LARGE1: variants seen among roughly 807,000 people sequenced by gnomAD.
LARGE1 encodes LARGE xylosyl- and glucuronyltransferase 1.
Under a neutral mutation model 87.6 loss-of-function variants are expected in LARGE1, and 43 were observed. The observed-to-expected ratio is 0.49, with a 90% CI of 0.38 to 0.63. The LOEUF is 0.63. Ranked by LOEUF, LARGE1 falls within the 30% of genes least tolerant of loss-of-function variation. The probability of loss-of-function intolerance (pLI) is 0.00; values close to 1 mark genes in which losing one functional copy is unlikely to be tolerated. For synonymous variants in LARGE1, 434 were observed against 394.6 expected (o/e 1.10, Z -1.18); for missense variants, 802 against 1,000.2 (o/e 0.80, Z 2.67).
intron 11 of LARGE1, among the ~76,000 whole-genome samples, chr22:33,266,431 T>G (rs1927944259): frequency 6.6e-6 from 1 of 151,228 alleles, no homozygotes; most frequent in Admixed American, 6.6e-5. Context: ...ACCATGTTGG[T>G]CAGGATGGTC....
intron 2 of LARGE1, among the ~76,000 whole-genome samples, chr22:33,690,185 G>C (rs918069758): frequency 3.3e-5 from 5 of 152,104 alleles, no homozygotes; most frequent in Non-Finnish European, 7.4e-5. Flanking sequence ...GACAGGAAGA[G>C]GGAATACAGA....
In LARGE1 at chr22:33,871,625, C is replaced by T. The variant is rs2064284688; in HGVS notation, c.-83+48370G>A. On this transcript the variant is annotated intron_variant, in intron 1 of 14. Coordinates refer to ENST00000397394, the MANE Select transcript of LARGE1 (RefSeq NM_133642.5). ...TCAAGCTTCTTATTTTAAGGCTAAT[C>T]TAAACACCACTACTACCAACCTCCT... Among the ~76,000 whole-genome samples the T allele has an allele frequency of 2.6e-5, 4 of 152,092 alleles. No homozygotes were observed. In the South Asian group the frequency reaches 8.3e-4, roughly 32 times the overall value.
chr22:33,155,002 T>C, the LARGE1 span, among the ~76,000 whole-genome samples: 75 of 152,334 alleles, frequency 4.9e-4, no homozygotes, highest in Non-Finnish European at 3.8e-4. Flanking sequence ...CCATGTGAGA[T>C]GTGCCTTTCA....
downstream of LARGE1, among the ~76,000 whole-genome samples, chr22:33,272,477 C>CACCACTGA (rs1928347770): frequency 6.6e-6 from 1 of 151,648 alleles, no homozygotes; most frequent in South Asian, 2.1e-4. Context: ...TGGCCTGGCA[C>CACCACTGA]ACCACTGAAC....
At chr22:33,469,794 C>T (rs1314065100) in intron 6 of LARGE1, among the ~76,000 whole-genome samples, 2 of 148,984 alleles carry the variant, frequency 1.3e-5, no homozygotes, top group Non-Finnish European at 3.0e-5. Flanking sequence ...CACCACTGCA[C>T]TCCAGCCTGG....
chr22:33,506,874 C>G (rs1367352095), intron 6 of LARGE1, among the ~76,000 whole-genome samples: 1 of 152,190 alleles, frequency 6.6e-6, no homozygotes, highest in African/African-American at 2.4e-5. Flanking sequence ...GTACTCCAGC[C>G]TGGGCGACAG....
chr22:33,493,471 ATTTTT>A (rs1219924488), intron 6 of LARGE1, among the ~76,000 whole-genome samples: 1 of 151,966 alleles, frequency 6.6e-6, no homozygotes, highest in Non-Finnish European at 1.5e-5. Flanking sequence ...TGAGCATGGA[ATTTTT>A]TAATGTGTCT....
At chr22:33,708,639 C>T (rs773333058) in intron 2 of LARGE1, among the ~76,000 whole-genome samples, 4 of 152,126 alleles carry the variant, frequency 2.6e-5, no homozygotes, top group Non-Finnish European at 5.9e-5. Flanking sequence ...CTCGCTCTGT[C>T]GCCCAGGCTG....
At chr22:33,739,222 G>A (rs1480761986) in intron 2 of LARGE1, among the ~76,000 whole-genome samples, 1 of 151,374 alleles carries the variant, frequency 6.6e-6, no homozygotes, top group Admixed American at 6.6e-5. Flanking sequence ...GTTATCACTG[G>A]CTGTTGGTGC....
intron 6 of LARGE1, among the ~76,000 whole-genome samples, chr22:33,545,042 A>C (rs1215366735): frequency 6.6e-6 from 1 of 152,176 alleles, no homozygotes; most frequent in Non-Finnish European, 1.5e-5. Context: ...GTAGAACACA[A>C]ACACAGTATA....
chr22:33,841,469 A>G (rs942999567), intron 1 of LARGE1, among the ~76,000 whole-genome samples: 11 of 152,304 alleles, frequency 7.2e-5, no homozygotes, highest in African/African-American at 2.4e-4. Context: ...CTTCATACTC[A>G]GATGCCATGC....
At chr22:33,764,943 G>A (rs1235630196) in intron 1 of LARGE1, among the ~76,000 whole-genome samples, 1 of 152,182 alleles carries the variant, frequency 6.6e-6, no homozygotes. Flanking sequence ...ATCTGTGAAT[G>A]TGGAACCCTC....
chr22:33,081,484 C>T, the LARGE1 span, among the ~76,000 whole-genome samples: 1 of 152,202 alleles, frequency 6.6e-6, no homozygotes, highest in Non-Finnish European at 1.5e-5. Context: ...TAAAGGGAGT[C>T]AGAGTAGCTG....
the LARGE1 span, among the ~76,000 whole-genome samples, chr22:33,156,931 T>C: frequency 6.6e-6 from 1 of 152,188 alleles, no homozygotes; most frequent in East Asian, 1.9e-4. Context: ...CGAGATCTGA[T>C]GGTTTTAAAA....
chr22:33,472,603 C>T (rs147934721), intron 6 of LARGE1, among the ~76,000 whole-genome samples: 103 of 152,260 alleles, frequency 6.8e-4, no homozygotes, highest in Non-Finnish European at 1.2e-3. Flanking sequence ...ACACCACACA[C>T]AATAGTCCCT....
intron 2 of LARGE1, among the ~76,000 whole-genome samples, chr22:33,701,709 C>T (rs919229597): frequency 6.6e-6 from 1 of 152,216 alleles, no homozygotes. Context: ...AGTTCCATGG[C>T]CATGCCCAAC....
chr22:33,353,226 T>A (rs949968763), intron 9 of LARGE1, among the ~76,000 whole-genome samples: 2 of 152,274 alleles, frequency 1.3e-5, no homozygotes, highest in Non-Finnish European at 2.9e-5. Context: ...AATATGCAGA[T>A]GAAGTCACCA....
intron 2 of LARGE1, among the ~76,000 whole-genome samples, chr22:33,738,586 G>A (rs2083747132): frequency 1.3e-5 from 2 of 152,162 alleles, no homozygotes; most frequent in African/African-American, 4.8e-5. Context: ...AGGGCCGGGC[G>A]CGGTGGCTCA....
intron 2 of LARGE1, chr22:33,727,632 T>C (rs573967872): frequency 1.3e-5 from 2 of 152,322 alleles, no homozygotes; most frequent in East Asian, 1.9e-4. Context: ...AGAATACAAA[T>C]GTATGTCTGT....
Sources: gnomAD v4.1 joint callset for allele counts (sites outside exome capture counted in the v4.1 genomes callset) on GRCh38, gnomAD v4.1.1 for gene constraint, MANE v1.5 for transcripts, NCBI Gene and HGNC (gene_info 2026-07-23, HGNC 2026-07-21) for gene names.